Variants in AHDC1 observed in about 807,000 individuals in gnomAD.
The protein encoded by AHDC1 is transcription factor Gibbin.
AHDC1 carries 7 observed loss-of-function variants against 87.9 expected under a neutral mutation model. That is an observed-to-expected ratio of 0.08 (90% CI 0.05 to 0.15). AHDC1 has a LOEUF of 0.15. Among genes scored for constraint, AHDC1 ranks in the 10% least tolerant of loss-of-function variants. The probability of loss-of-function intolerance (pLI) is 1.00; values close to 1 mark genes in which losing one functional copy is unlikely to be tolerated. For synonymous variants in AHDC1, 1,051 were observed against 1,006.8 expected, an observed-to-expected ratio of 1.04 and a Z score of -0.83; for missense variants, 1,841 against 2,253.2, an observed-to-expected ratio of 0.82 and a Z score of 3.70.
At position 27,547,925 on chromosome 1, in the gene AHDC1, T is replaced by C. The variant is rs772776553; in HGVS notation, c.4191A>G (p.Ala1397=). 1.9e-6 allele frequency: 3 copies of C among 1,578,178 alleles called. No individual in the cohort carries two copies. The highest frequency in any genetic ancestry group is 2.6e-6 in the Non-Finnish European group (3 of 1,158,522). Residue 1397 remains alanine (A), a synonymous_variant, in exon 8 of 9, where the codon GCA becomes GCG. Coordinates refer to ENST00000673934, the MANE Select transcript of AHDC1 (RefSeq NM_001371928.1). The surrounding 1 kb of genome is among the most constrained non-coding windows in gnomAD (Gnocchi z 4.9). ...GTGTAGGCGAGCAGGTGGGCGAGTA[T>C]GCCTTCTGCAGGCCGGCGTCAAACA... The part of the protein sequence containing the change: ...PTVFDAGLQK[A]YSPTCSPTLG...
chr1:27,557,223 C>A (rs181896414), intron 5 of AHDC1, among the ~76,000 whole-genome samples: 135 of 151,754 alleles, frequency 8.9e-4, no homozygotes, highest in African/African-American at 2.9e-3. Flanking sequence ...TCCCTTCCTC[C>A]CTCCGAGGTC....
intron 3 of AHDC1, among the ~76,000 whole-genome samples, chr1:27,582,973 C>T (rs555804219): frequency 5.1e-4 from 78 of 152,200 alleles, no homozygotes; most frequent in African/African-American, 1.7e-3. Flanking sequence ...AGTGCAATAG[C>T]GCACTCTCGG....
At chr1:27,591,917 T>C (rs768065583) in intron 3 of AHDC1, among the ~76,000 whole-genome samples, 8 of 152,280 alleles carry the variant, frequency 5.3e-5, no homozygotes, top group South Asian at 2.1e-4. Flanking sequence ...GCGATCATAA[T>C]TGTGGTTAGT....
chr1:27,572,630 C>T (rs1381011586), intron 3 of AHDC1, among the ~76,000 whole-genome samples: 1 of 152,212 alleles, frequency 6.6e-6, no homozygotes, highest in Non-Finnish European at 1.5e-5. Flanking sequence ...CTCAGCTCAA[C>T]ATCCATAAAC....
intron 3 of AHDC1, among the ~76,000 whole-genome samples, chr1:27,578,757 C>T (rs1174917599): frequency 4.0e-5 from 6 of 150,068 alleles, no homozygotes; most frequent in Non-Finnish European, 5.9e-5. Flanking sequence ...AGTGAAATGG[C>T]GCTATCTCGG....
At chr1:27,540,471 G>A (rs965773731) in intron 8 of AHDC1, among the ~76,000 whole-genome samples, 1 of 152,024 alleles carries the variant, frequency 6.6e-6, no homozygotes, top group Non-Finnish European at 1.5e-5. Context: ...GGAGGACGGT[G>A]CCCAGAGATG....
chr1:27,537,287 C>A (rs1316053907), intron 8 of AHDC1, among the ~76,000 whole-genome samples: 4 of 152,104 alleles, frequency 2.6e-5, no homozygotes, highest in South Asian at 2.1e-4. Flanking sequence ...AGACCAAGAC[C>A]GATCTGGTTC....
intron 3 of AHDC1, among the ~76,000 whole-genome samples, chr1:27,572,918 G>T (rs375594486): frequency 5.9e-5 from 9 of 152,346 alleles, no homozygotes; most frequent in African/African-American, 1.9e-4. Flanking sequence ...ACTGGTCACT[G>T]ACACACACAT....
intron 8 of AHDC1, among the ~76,000 whole-genome samples, chr1:27,545,744 C>CAAA (rs796391615): frequency 8.6e-6 from 1 of 116,178 alleles, no homozygotes; most frequent in Non-Finnish European, 1.9e-5. Context: ...AAGATGCTGC[C>CAAA]AAAAAAAAAA....
At chr1:27,588,990 CATG>C (rs1339965926) in intron 3 of AHDC1, among the ~76,000 whole-genome samples, 1 of 151,970 alleles carries the variant, frequency 6.6e-6, no homozygotes, top group Non-Finnish European at 1.5e-5. Flanking sequence ...TGAACATGTG[CATG>C]AGGAGATGGT....
chr1:27,544,564 G>A (rs765299152), intron 8 of AHDC1, among the ~76,000 whole-genome samples: 4 of 152,210 alleles, frequency 2.6e-5, no homozygotes, highest in African/African-American at 7.2e-5. Flanking sequence ...ATTGGTGAAT[G>A]AGCGTGTCCT....
intron 3 of AHDC1, among the ~76,000 whole-genome samples, chr1:27,587,805 T>A (rs1468858556): frequency 6.6e-6 from 1 of 152,150 alleles, no homozygotes. Flanking sequence ...TACTACCCCA[T>A]CCTTGCACGA....
At chr1:27,543,024 C>G (rs762470195) in intron 8 of AHDC1, among the ~76,000 whole-genome samples, 12 of 152,176 alleles carry the variant, frequency 7.9e-5, no homozygotes, top group Non-Finnish European at 1.5e-4. Flanking sequence ...TTTCAAGACA[C>G]GAAGAGACAA....
In AHDC1 at chr1:27,534,697, T is replaced by G. The variant is rs2018566441; in HGVS notation, c.*263A>C. The G allele has an allele frequency of 6.6e-6, 1 of 152,316 alleles. No homozygotes were observed. Among genetic ancestry groups the G allele is most frequent in the African/African-American group, 2.4e-5 (1 of 41,298 alleles). 9.4% of individuals were successfully genotyped at this position (152,316 alleles called of 1,614,324 possible). A position where few individuals can be genotyped will look rare whatever the true frequency, so the allele number is the denominator to read the frequency against. ...TGTCTTTTTCTAAAACTGTGTTTTG[T>G]TTTTAAGTTTTGTACATTTTTAAAA... On this transcript the variant is annotated 3_prime_UTR_variant, in exon 9 of 9. Coordinates refer to ENST00000673934, the MANE Select transcript of AHDC1 (RefSeq NM_001371928.1).
chr1:27,537,341 C>A (rs1043395948), intron 8 of AHDC1, among the ~76,000 whole-genome samples: 1 of 152,172 alleles, frequency 6.6e-6, no homozygotes, highest in East Asian at 1.9e-4. Flanking sequence ...GCAAAGCAGA[C>A]CCCAAACCAG....
In AHDC1 at chr1:27,547,442, G is replaced by T; in HGVS notation, c.4674C>A (p.Pro1558=). ...LSPVPRDSLL[P]LQDTAYRYPG... is the part of the protein sequence containing the mutation. ...GGTACCTGTAGGCGGTGTCCTGCAG[G>T]GGCAGCAGCGAGTCCCTCGGCACGG... Residue 1558 remains proline, a synonymous_variant, in exon 8 of 9, where the codon CCC becomes CCA. Transcript: ENST00000673934. The surrounding 1 kb of genome is among the most constrained non-coding windows in gnomAD (Gnocchi z 4.9). The T allele has an allele frequency of 1.3e-6, 2 of 1,588,976 alleles. No individual in the cohort carries two copies. Among genetic ancestry groups the T allele is most frequent in the Non-Finnish European group, 1.7e-6 (2 of 1,162,594 alleles).
chr1:27,589,803 C>G (rs1470211346), intron 3 of AHDC1, among the ~76,000 whole-genome samples: 1 of 152,168 alleles, frequency 6.6e-6, no homozygotes, highest in Non-Finnish European at 1.5e-5. Context: ...ATAATGGGAT[C>G]ATTCGTCTTC....
intron 5 of AHDC1, among the ~76,000 whole-genome samples, chr1:27,554,977 T>A (rs2019755252): frequency 6.6e-6 from 1 of 152,164 alleles, no homozygotes; most frequent in Non-Finnish European, 1.5e-5. Flanking sequence ...TTGCCTGAAG[T>A]CACATAGCTG....
At chr1:27,557,456 C>T (rs148295421) in intron 5 of AHDC1, among the ~76,000 whole-genome samples, 3 of 151,966 alleles carry the variant, frequency 2.0e-5, no homozygotes, top group East Asian at 3.9e-4. Flanking sequence ...AACTCCTCCT[C>T]CTGGAAAGTT....
Sources: gnomAD v4.1 joint callset for allele counts (sites outside exome capture counted in the v4.1 genomes callset) on GRCh38, gnomAD v4.1.1 for gene constraint, Gnocchi (gnomAD v3.1) non-coding constraint, MANE v1.5 for transcripts, NCBI Gene and HGNC (gene_info 2026-07-23, HGNC 2026-07-21) for gene names.